Variants in EVI5 observed in about 807,000 individuals in gnomAD.
EVI5 encodes ecotropic viral integration site 5 protein homolog.
A neutral mutation model predicts 112.0 loss-of-function variants in EVI5; 73 were observed. The observed-to-expected ratio is 0.65, with a 90% CI of 0.54 to 0.79. The LOEUF (loss-of-function observed/expected upper bound fraction) is 0.79. Ranked by LOEUF, EVI5 falls within the 30% of genes least tolerant of loss-of-function variation. EVI5 has a pLI of 0.00. For synonymous variants in EVI5, 305 were observed against 319.9 expected, an observed-to-expected ratio of 0.95 and a Z score of 0.50; for missense variants, 900 against 968.8, an observed-to-expected ratio of 0.93 and a Z score of 0.94.
Position 92,722,688 on chromosome 1 carries a change from T to C in EVI5, c.149+13710A>G, listed in dbSNP as rs186192740. ...CCCTCACACAACCTAACACTCCACTTTGATCTTTCAAGATCCTCTTCTAAT... is the reference window on the plus strand; with the variant it reads ...CCCTCACACAACCTAACACTCCACTCTGATCTTTCAAGATCCTCTTCTAAT... On this transcript the variant is annotated intron_variant, in intron 2 of 19. Coordinates refer to ENST00000684568, the MANE Select transcript of EVI5 (RefSeq NM_001350197.2). Among the ~76,000 whole-genome samples the C allele has an allele frequency of 2.5e-4, 38 of 152,292 alleles. No homozygotes were observed. The East Asian group carries it at 6.9e-3, about 28-fold the overall frequency.
At chr1:92,560,548 C>CA (rs1248829189) in intron 19 of EVI5, among the ~76,000 whole-genome samples, 1 of 151,786 alleles carries the variant, frequency 6.6e-6, no homozygotes, top group Non-Finnish European at 1.5e-5. Context: ...CTATACAAAA[C>CA]TTTTTTTTCT....
chr1:92,665,212 T>C (rs560101926), intron 11 of EVI5, among the ~76,000 whole-genome samples: 43 of 151,800 alleles, frequency 2.8e-4, no homozygotes, highest in African/African-American at 1.0e-3. Context: ...CTCAAAAAAA[T>C]AAAAAAGAAA....
rs771827587 is a variant in EVI5 at position 92,703,659 on chromosome 1, T to C, written c.340-40A>G. The C allele has an allele frequency of 2.4e-6, 3 of 1,243,708 alleles. No homozygotes were observed. In the East Asian group the frequency reaches 7.6e-5, roughly 32 times the overall value. The allele number at this position is 1,243,708 out of a possible 1,614,324, so 77.0% of individuals were successfully genotyped here. A position where few individuals can be genotyped will look rare whatever the true frequency, so the allele number is the denominator to read the frequency against. On this transcript the variant is annotated intron_variant, in intron 3 of 19. Coordinates refer to ENST00000684568, the MANE Select transcript of EVI5 (RefSeq NM_001350197.2). ...AAATTACAAAAATGAATTATTTAAGTGTCCTATCTTGCAAGCCAAGGAAGA... is the reference window on the plus strand; with the variant it reads ...AAATTACAAAAATGAATTATTTAAGCGTCCTATCTTGCAAGCCAAGGAAGA...
intron 6 of EVI5, 123 bp downstream of exon 6, chr1:92,697,737 T>C: frequency 1.3e-6 from 1 of 788,372 alleles, no homozygotes; most frequent in South Asian, 1.8e-5. Context: ...AATCATGTAA[T>C]TAAAACACTT....
Position 92,640,623 on chromosome 1 carries a change from C to T in EVI5, c.1393-4287G>A, listed in dbSNP as rs1572059011. On this transcript the variant is annotated intron_variant, in intron 13 of 19. Transcript: ENST00000684568. ...GAAACAACAGATGCTGGTGAGGCTG[C>T]GGACAGATAGGAATGCTTTTATAGT... is the stretch of plus-strand genomic sequence containing the variant. Among the ~76,000 whole-genome samples, 4 of 152,134 alleles carry T rather than the reference C, an allele frequency of 2.6e-5. No homozygotes were observed. The South Asian group carries it at 8.3e-4, about 32-fold the overall frequency.
chr1:92,545,278 G>A (rs1206718729), intron 19 of EVI5, among the ~76,000 whole-genome samples: 2 of 151,918 alleles, frequency 1.3e-5, no homozygotes, highest in East Asian at 1.9e-4. Context: ...GTCTTGCTTT[G>A]TTGCCCATGC....
chr1:92,583,733 CTTTT>C (rs75392768), intron 18 of EVI5, among the ~76,000 whole-genome samples: 1 of 138,106 alleles, frequency 7.2e-6, no homozygotes, highest in Non-Finnish European at 1.6e-5. Context: ...CTCTCTCTCT[CTTTT>C]TTTTTTTTTT....
At chr1:92,751,919 G>C (rs533397545) in intron 1 of EVI5, among the ~76,000 whole-genome samples, 2 of 152,178 alleles carry the variant, frequency 1.3e-5, no homozygotes, top group Admixed American at 6.5e-5. Context: ...GGGAGGCTGA[G>C]GCAGGAGAGT....
intron 6 of EVI5, 30 bp downstream of exon 6, chr1:92,697,830 T>C (rs939680537): frequency 5.1e-6 from 8 of 1,573,946 alleles, no homozygotes; most frequent in Non-Finnish European, 6.9e-6. Context: ...ATAAAGGCAA[T>C]ATGCCTTTTT....
intron 19 of EVI5, among the ~76,000 whole-genome samples, chr1:92,553,342 A>C (rs1571495530): frequency 1.8e-5 from 2 of 109,454 alleles, no homozygotes; most frequent in African/African-American, 7.3e-5. Flanking sequence ...TCACTCTGCC[A>C]CCCAGGCTGG....
At chr1:92,759,375 CAATA>C (rs1681455358) in intron 1 of EVI5, among the ~76,000 whole-genome samples, 1 of 152,084 alleles carries the variant, frequency 6.6e-6, no homozygotes, top group African/African-American at 2.4e-5. Flanking sequence ...GGAGCATGAA[CAATA>C]TATAGAGAGA....
chr1:92,578,449 C>T (rs1054723174), intron 18 of EVI5, among the ~76,000 whole-genome samples: 5 of 152,076 alleles, frequency 3.3e-5, no homozygotes, highest in South Asian at 2.1e-4. Flanking sequence ...AATGGACGGC[C>T]GGGCGCCTGT....
chr1:92,524,420 C>T (rs190842402), intron 19 of EVI5, among the ~76,000 whole-genome samples: 11 of 152,242 alleles, frequency 7.2e-5, no homozygotes, highest in African/African-American at 2.4e-4. Flanking sequence ...ATACTCTGGC[C>T]TAAATGTGGC....
chr1:92,583,343 C>T (rs1316851326), intron 18 of EVI5, among the ~76,000 whole-genome samples: 3 of 151,642 alleles, frequency 2.0e-5, no homozygotes, highest in Admixed American at 6.6e-5. Flanking sequence ...AACTCCATCT[C>T]TACTAAAAAT....
In EVI5 at chr1:92,607,589, C is replaced by G. The variant is rs1251321256; in HGVS notation, c.1966G>C (p.Glu656Gln). The change falls in exon 17 of 20, where the codon GAA (glutamate) becomes CAA (glutamine). Residue 656 changes from glutamate (E) to glutamine (Q), a missense_variant. By Grantham distance (29) the Glu-to-Gln change is conservative. Transcript: ENST00000684568. ...SEAKRKQAEI[E>Q]CKNKEEVMAV... ...TTAGTTGACATATTTACCTTGCATT[C>G]AATCTCTGCTTGTTTACGCTTTGCT... 6.4e-7 allele frequency: 1 copy of G among 1,574,466 alleles called. No homozygotes were observed. Among genetic ancestry groups the G allele is most frequent in the African/African-American group, 1.4e-5 (1 of 72,594 alleles).
intron 19 of EVI5, among the ~76,000 whole-genome samples, chr1:92,518,041 G>A (rs1227236447): frequency 6.6e-6 from 1 of 151,974 alleles, no homozygotes. Context: ...GGGACTACAG[G>A]TGCATGGCAC....
chr1:92,767,009 G>A (rs187902425), intron 1 of EVI5, among the ~76,000 whole-genome samples: 4 of 150,372 alleles, frequency 2.7e-5, no homozygotes, highest in East Asian at 3.9e-4. Context: ...TGGAACCTGT[G>A]GAGGCAGAGG....
intron 9 of EVI5, among the ~76,000 whole-genome samples, chr1:92,685,665 G>A (rs941479549): frequency 6.6e-6 from 1 of 152,012 alleles, no homozygotes; most frequent in African/African-American, 2.4e-5. Flanking sequence ...CACTAATAAA[G>A]AAGGAAAGAG....
At chr1:92,522,835 G>A (rs1042618466) in intron 19 of EVI5, among the ~76,000 whole-genome samples, 1 of 152,034 alleles carries the variant, frequency 6.6e-6, no homozygotes, top group African/African-American at 2.4e-5. Context: ...ACAGCTCACC[G>A]CATCTTTGAA....
Sources: gnomAD v4.1 joint callset for allele counts (sites outside exome capture counted in the v4.1 genomes callset) on GRCh38, gnomAD v4.1.1 for gene constraint, MANE v1.5 for transcripts, NCBI Gene and HGNC (gene_info 2026-07-23, HGNC 2026-07-21) for gene names.